Variants in KSR1 observed in about 807,000 individuals in gnomAD.
The protein encoded by KSR1 is kinase suppressor of ras 1.
In KSR1, 35 loss-of-function variants were observed where a neutral mutation model predicts 92.9. The observed-to-expected ratio is 0.38, with a 90% CI of 0.29 to 0.50. The LOEUF is 0.50. Among genes scored for constraint, KSR1 ranks in the 20% least tolerant of loss-of-function variants. The probability of loss-of-function intolerance (pLI) is 0.94; values close to 1 mark genes in which losing one functional copy is unlikely to be tolerated. For missense variants in KSR1, 972 were observed against 1,158.5 expected (o/e 0.84, Z 2.34); for synonymous variants, 467 against 472.6 (o/e 0.99, Z 0.15).
chr17:27,591,604 G>C (rs1490593451), intron 7 of KSR1, among the ~76,000 whole-genome samples: 2 of 152,200 alleles, frequency 1.3e-5, no homozygotes, highest in Non-Finnish European at 2.9e-5. Flanking sequence ...GTAGATGGTG[G>C]GTCTTGTGCA....
At chr17:27,569,641 G>A (rs80338342) in intron 2 of KSR1, among the ~76,000 whole-genome samples, 3,062 of 152,346 alleles carry the variant, frequency 0.02, 41 homozygotes, top group Non-Finnish European at 0.032. Flanking sequence ...TTCGTGACCC[G>A]TAAAAGTTAC....
At chr17:27,527,247 G>A (rs1380969726) in intron 1 of KSR1, 1 of 215,630 alleles carries the variant, frequency 4.6e-6, no homozygotes, top group East Asian at 1.4e-4. Context: ...TCCCCTGGCC[G>A]CCAGCTATCC....
chr17:27,546,082 T>A (rs2071162113), intron 1 of KSR1, among the ~76,000 whole-genome samples: 1 of 152,188 alleles, frequency 6.6e-6, no homozygotes, highest in African/African-American at 2.4e-5. Context: ...TGATTTATAG[T>A]CCTGTCTCTG....
intron 1 of KSR1, among the ~76,000 whole-genome samples, chr17:27,541,117 G>T (rs1256061108): frequency 6.6e-6 from 1 of 152,246 alleles, no homozygotes. Context: ...GTATAGTCAG[G>T]GACTTGGCAG....
rs1328656408 is a variant in KSR1 at position 27,592,324 on chromosome 17, G to A, written c.1131-37G>A. 3.2e-6 allele frequency: 5 copies of A among 1,584,330 alleles called. No homozygotes were observed. In the Admixed American group the frequency reaches 5.0e-5, roughly 16 times the overall value. Reference sequence around the variant, plus strand: ...CCCCTGTGTGCCTGAGCCCCCCCATGTGGTGCTTTGCACACCAACCTCCCC... The same window carrying A: ...CCCCTGTGTGCCTGAGCCCCCCCATATGGTGCTTTGCACACCAACCTCCCC... On this transcript the variant is annotated intron_variant, in intron 7 of 20. Coordinates refer to ENST00000644974, the MANE Select transcript of KSR1 (RefSeq NM_001394583.1).
At chr17:27,623,092 A>T in intron 20 of KSR1, 1 of 590,202 alleles carries the variant, frequency 1.7e-6, no homozygotes, top group Non-Finnish European at 3.0e-6. Context: ...TTGGAGATGA[A>T]TGAGCCACCG....
chr17:27,605,930 G>A (rs1450066529), intron 14 of KSR1, 117 bp downstream of exon 14: 14 of 1,326,006 alleles, frequency 1.1e-5, no homozygotes, highest in South Asian at 4.1e-5. Flanking sequence ...GCATAAAGAA[G>A]AAAACCAAAA....
chr17:27,498,060 T>G (rs2069050393), intron 1 of KSR1, among the ~76,000 whole-genome samples: 2 of 152,168 alleles, frequency 1.3e-5, no homozygotes, highest in African/African-American at 4.8e-5. Flanking sequence ...CTGGGAGCGG[T>G]GGCTTATGCC....
intron 1 of KSR1, among the ~76,000 whole-genome samples, chr17:27,462,433 T>C (rs2019489636): frequency 6.6e-6 from 1 of 152,192 alleles, no homozygotes. Flanking sequence ...ATGTTTGGGC[T>C]TCCTGGTGGC....
Position 27,488,575 on chromosome 17 carries a change from C to G in KSR1, c.231+31701C>G, listed in dbSNP as rs564443414. Reference sequence around the variant, plus strand: ...CCTATTAGCTGAGCATGGTGGCTCACTTTGGGAGCACTTTGGGAGGCCAAG... The same window carrying G: ...CCTATTAGCTGAGCATGGTGGCTCAGTTTGGGAGCACTTTGGGAGGCCAAG... On this transcript the variant is annotated intron_variant, in intron 1 of 20. Transcript: ENST00000644974. Among the ~76,000 whole-genome samples the G allele has an allele frequency of 2.0e-3, 304 of 152,284 alleles. 2 individuals are homozygous for G. Among genetic ancestry groups the G allele is most frequent in the Non-Finnish European group, 3.6e-3 (242 of 68,032 alleles).
At chr17:27,620,990 C>G (rs1405681390) in intron 19 of KSR1, 2 of 387,384 alleles carry the variant, frequency 5.2e-6, no homozygotes, top group Non-Finnish European at 9.1e-6. Flanking sequence ...ACACGCTTGC[C>G]CCCTAATTCT....
chr17:27,597,208 T>G, intron 9 of KSR1, 60 bp from the exon 10 acceptor site: 1 of 1,524,840 alleles, frequency 6.6e-7, no homozygotes, highest in Non-Finnish European at 8.9e-7. Flanking sequence ...AGGGTGTGGC[T>G]GGTGGGAGGC....
chr17:27,603,192 T>C (rs554599458), intron 11 of KSR1, among the ~76,000 whole-genome samples: 73 of 152,324 alleles, frequency 4.8e-4, no homozygotes, highest in African/African-American at 1.6e-3. Context: ...CACCCCAGGC[T>C]CAGGGATCAG....
chr17:27,502,886 A>G (rs1188062580), intron 1 of KSR1, among the ~76,000 whole-genome samples: 2 of 152,108 alleles, frequency 1.3e-5, no homozygotes, highest in Admixed American at 6.5e-5. Flanking sequence ...TGTTCCCATC[A>G]CTTCTCACGG....
rs751092460 is a variant in KSR1 at position 27,507,563 on chromosome 17, C to CTTT, written c.232-42977_232-42975dup. ...GATCATTAAAATCTTTATTGTTTGG[C>CTTT]TTTTTTTTTTTTTTTTTTTTTTTTT... On this transcript the variant is annotated intron_variant, in intron 1 of 20. Transcript: ENST00000644974. Among the ~76,000 whole-genome samples the CTTT allele has an allele frequency of 7.8e-4, 34 of 43,322 alleles. 7 individuals are homozygous for CTTT. Among genetic ancestry groups the CTTT allele is most frequent in the African/African-American group, 1.7e-3 (19 of 11,296 alleles). The allele number at this position is 43,322 out of a possible 152,430, so 28.4% of individuals were successfully genotyped here.
At position 27,595,458 on chromosome 17, in the gene KSR1, G is replaced by A. The variant is rs201998983; in HGVS notation, c.1300-1810G>A. On this transcript the variant is annotated intron_variant, in intron 9 of 20. Transcript: ENST00000644974. ...ATAGGTGTTGATGTTTTATTTTTGTGGTTGAGGAAATGGAAGCTCAGAGAG... is the reference window on the plus strand; with the variant it reads ...ATAGGTGTTGATGTTTTATTTTTGTAGTTGAGGAAATGGAAGCTCAGAGAG... Among the ~76,000 whole-genome samples, 140 of 152,358 alleles carry A rather than the reference G, an allele frequency of 9.2e-4. 1 individual carries two copies. Among genetic ancestry groups the A allele is most frequent in the African/African-American group, 3.0e-3 (126 of 41,578 alleles).
intron 11 of KSR1, chr17:27,601,872 C>G: frequency 6.3e-7 from 1 of 1,597,174 alleles, no homozygotes; most frequent in Non-Finnish European, 8.5e-7. Flanking sequence ...GGGCTTCACC[C>G]TTCTGTGCCT....
At chr17:27,550,498 G>A in intron 1 of KSR1, 70 bp from the exon 2 acceptor site, 1 of 749,576 alleles carries the variant, frequency 1.3e-6, no homozygotes, top group Admixed American at 1.7e-5. Flanking sequence ...CTCCTCTGTA[G>A]TGTGCTTGGG....
In KSR1 at chr17:27,469,993, AGTGTGTGT is replaced by A. The variant is rs145390989; in HGVS notation, c.231+13154_231+13161del. Among the ~76,000 whole-genome samples the A allele has an allele frequency of 1.9e-3, 271 of 139,642 alleles. 2 individuals carry two copies. Among genetic ancestry groups the A allele is most frequent in the Non-Finnish European group, 2.2e-3 (142 of 65,086 alleles). The allele number at this position is 139,642 out of a possible 152,430, so 91.6% of individuals were successfully genotyped here. A position where few individuals can be genotyped will look rare whatever the true frequency, so the allele number is the denominator to read the frequency against. ...ACTGGATCAAAGAGCATGGAGATGG[AGTGTGTGT>A]GTGTGTGTGTGTGTGTGTGTGTGTG... is the stretch of plus-strand genomic sequence containing the variant. On this transcript the variant is annotated intron_variant, in intron 1 of 20. Transcript: ENST00000644974.
Sources: allele counts gnomAD v4.1 joint callset (sites outside exome capture counted in the v4.1 genomes callset), GRCh38; gene constraint gnomAD v4.1.1; transcripts MANE v1.5; gene names NCBI Gene and HGNC (gene_info 2026-07-23, HGNC 2026-07-21).